The following SRPK1 variants were observed in gnomAD, a reference collection of about 807,000 sequenced individuals.
The protein encoded by SRPK1 is SRSF protein kinase 1, also known as SFRS protein kinase 1.
In SRPK1, 52 loss-of-function variants were observed where a neutral mutation model predicts 89.5. The observed-to-expected ratio is 0.58, with a 90% CI of 0.46 to 0.73. SRPK1 has a LOEUF of 0.73. Among genes scored for constraint, SRPK1 ranks in the 30% least tolerant of loss-of-function variants. SRPK1 has a pLI of 0.00. For synonymous variants in SRPK1, 255 were observed against 270.2 expected (o/e 0.94, Z 0.55); for missense variants, 603 against 780.6 (o/e 0.77, Z 2.71).
intron 12 of SRPK1, among the ~76,000 whole-genome samples, chr6:35,863,474 A>G (rs1303695450): frequency 1.3e-5 from 2 of 151,206 alleles, no homozygotes; most frequent in African/African-American, 4.8e-5. Context: ...AAAAAAATTA[A>G]TTAATTAATT....
rs753820790 is a variant in SRPK1 at position 35,870,285 on chromosome 6, T to C, written c.987A>G (p.Lys329=). Residue 329 remains lysine, a synonymous_variant, in exon 10 of 16, where the codon AAA becomes AAG. Coordinates refer to ENST00000373825, the MANE Select transcript of SRPK1 (RefSeq NM_003137.5). ...TTCGTGATGTTCTATTTATACCAAG[T>C]TTTTCTTGGGTCATTTTATTAGGTG... The part of the protein sequence containing the change: ...ENPPNKMTQE[K]LEESSTIGQD... The C allele has an allele frequency of 6.2e-6, 10 of 1,611,126 alleles. No individual in the cohort carries two copies. The highest frequency in any genetic ancestry group is 1.7e-6 in the Non-Finnish European group (2 of 1,179,050).
At chr6:35,860,238 T>C (rs988461926) in intron 12 of SRPK1, among the ~76,000 whole-genome samples, 2 of 152,156 alleles carry the variant, frequency 1.3e-5, no homozygotes, top group African/African-American at 2.4e-5. Context: ...TAATGTCCAA[T>C]GTTAACAGTA....
chr6:35,913,070 C>G (rs1244846414), intron 2 of SRPK1, among the ~76,000 whole-genome samples: 3 of 152,218 alleles, frequency 2.0e-5, no homozygotes, highest in Non-Finnish European at 2.9e-5. Context: ...CTGTACCGAG[C>G]CTTTTTCACT....
intron 6 of SRPK1, among the ~76,000 whole-genome samples, chr6:35,880,316 A>G (rs1770243984): frequency 6.6e-6 from 1 of 152,110 alleles, no homozygotes; most frequent in African/African-American, 2.4e-5. Flanking sequence ...GATGGAAATT[A>G]TCAAGTGTGA....
At chr6:35,847,428 C>T (rs1455094069) in intron 13 of SRPK1, among the ~76,000 whole-genome samples, 4 of 152,044 alleles carry the variant, frequency 2.6e-5, no homozygotes, top group Non-Finnish European at 4.4e-5. Context: ...AGGCTGGTCT[C>T]AACTCCTGAG....
Position 35,902,246 on chromosome 6 carries a change from A to G in SRPK1, c.75-11233T>C, listed in dbSNP as rs1028892680. On this transcript the variant is annotated intron_variant, in intron 2 of 15. Coordinates refer to ENST00000373825, the MANE Select transcript of SRPK1 (RefSeq NM_003137.5). ...CTCCGTCTCTACAAAAAAAAAAAAA[A>G]AAAAAAGAAAAAAAAGATTAGCCAG... is the stretch of plus-strand genomic sequence containing the variant. Among the ~76,000 whole-genome samples the G allele has an allele frequency of 1.3e-4, 19 of 150,686 alleles. No individual in the cohort carries two copies. The East Asian group carries it at 3.3e-3, about 26-fold the overall frequency.
intron 2 of SRPK1, among the ~76,000 whole-genome samples, chr6:35,912,688 GAGAGCATGAGCAAA>G (rs1770996045): frequency 6.6e-6 from 1 of 152,172 alleles, no homozygotes; most frequent in Non-Finnish European, 1.5e-5. Flanking sequence ...AGAGGATTTG[GAGAGCATGAGCAAA>G]AGAGCTTACC....
chr6:35,870,836 G>A (rs1770020905), intron 9 of SRPK1, 98 bp downstream of exon 9: 1 of 1,086,820 alleles, frequency 9.2e-7, no homozygotes, highest in South Asian at 1.6e-5. Context: ...TTTCCTTTTG[G>A]TTCTCAAACT....
At chr6:35,895,997 C>T (rs958144281) in intron 2 of SRPK1, among the ~76,000 whole-genome samples, 10 of 152,330 alleles carry the variant, frequency 6.6e-5, no homozygotes, top group Admixed American at 1.3e-4. Context: ...TGCATCTATT[C>T]ATCTCTATCC....
intron 7 of SRPK1, among the ~76,000 whole-genome samples, chr6:35,873,542 C>T (rs149575062): frequency 2.4e-4 from 35 of 147,156 alleles, no homozygotes; most frequent in African/African-American, 6.8e-4. Context: ...CAGGCTGGAG[C>T]GCGGTGGCGC....
At chr6:35,855,633 A>C (rs1769650148) in intron 13 of SRPK1, among the ~76,000 whole-genome samples, 1 of 152,208 alleles carries the variant, frequency 6.6e-6, no homozygotes, top group African/African-American at 2.4e-5. Context: ...CCTGGTAGGA[A>C]GTCTCTAAAC....
intron 6 of SRPK1, among the ~76,000 whole-genome samples, chr6:35,884,543 T>C (rs1161564227): frequency 2.6e-5 from 4 of 152,190 alleles, no homozygotes; most frequent in Non-Finnish European, 5.9e-5. Flanking sequence ...TTTTGAGTTA[T>C]ATCCTTTCAA....
intron 9 of SRPK1, among the ~76,000 whole-genome samples, chr6:35,870,728 T>C (rs1227624517): frequency 1.3e-5 from 2 of 152,208 alleles, no homozygotes; most frequent in African/African-American, 4.8e-5. Context: ...TGGTTTACAT[T>C]CAGACAAACT....
chr6:35,884,854 G>C (rs1471116555), intron 6 of SRPK1, among the ~76,000 whole-genome samples: 1 of 152,054 alleles, frequency 6.6e-6, no homozygotes, highest in Non-Finnish European at 1.5e-5. Flanking sequence ...TACAAAATTA[G>C]CTGGGTGTGG....
chr6:35,920,152 T>C (rs1326746141), intron 2 of SRPK1: 1 of 513,236 alleles, frequency 1.9e-6, no homozygotes, highest in Non-Finnish European at 3.8e-6. Flanking sequence ...ATCTACCAGC[T>C]CCGGTGGGGA....
chr6:35,870,805 T>G lies in SRPK1; in HGVS notation c.777+129A>C, dbSNP rs1179752353. Reference sequence around the variant, plus strand: ...TGCATGGGAATTTACTGGAGAAAATTATAGAAGCGCAGGAATTTTTTTTCC... The same window carrying G: ...TGCATGGGAATTTACTGGAGAAAATGATAGAAGCGCAGGAATTTTTTTTCC... On this transcript the variant is annotated intron_variant, in intron 9 of 15. Transcript: ENST00000373825. 1.1e-5 allele frequency: 9 copies of G among 800,190 alleles called. No individual in the cohort carries two copies. In the East Asian group the frequency reaches 1.9e-4, roughly 17 times the overall value. 49.6% of individuals were successfully genotyped at this position (800,190 alleles called of 1,614,324 possible). A position where few individuals can be genotyped will look rare whatever the true frequency, so the allele number is the denominator to read the frequency against.
intron 3 of SRPK1, among the ~76,000 whole-genome samples, chr6:35,889,875 G>T (rs1278433632): frequency 6.6e-6 from 1 of 150,532 alleles, no homozygotes; most frequent in Non-Finnish European, 1.5e-5. Flanking sequence ...GAGGCAGACG[G>T]ATCACAAGGT....
intron 2 of SRPK1, among the ~76,000 whole-genome samples, chr6:35,905,378 T>C (rs922334304): frequency 6.6e-6 from 1 of 152,180 alleles, no homozygotes; most frequent in African/African-American, 2.4e-5. Context: ...TTACTCATAG[T>C]ATGCTTCATA....
chr6:35,876,288 A>C (rs370415513), intron 6 of SRPK1, among the ~76,000 whole-genome samples: 1 of 152,150 alleles, frequency 6.6e-6, no homozygotes, highest in African/African-American at 2.4e-5. Context: ...ATGCTAGTAG[A>C]AGTCTAAAAT....
Sources: gnomAD v4.1 joint callset for allele counts (sites outside exome capture counted in the v4.1 genomes callset) on GRCh38, gnomAD v4.1.1 for gene constraint, MANE v1.5 for transcripts, NCBI Gene and HGNC (gene_info 2026-07-23, HGNC 2026-07-21) for gene names.